RBFOX1: variants seen among roughly 807,000 people sequenced by gnomAD.
The protein encoded by RBFOX1 is RNA binding fox-1 homolog 1, also known as RNA binding protein fox-1 homolog 1.
In RBFOX1, 8 loss-of-function variants were observed where a neutral mutation model predicts 57.7. The ratio of observed to expected loss-of-function variants is 0.14; its 90% CI spans 0.08 to 0.25. The LOEUF (loss-of-function observed/expected upper bound fraction) is 0.25. RBFOX1 is among the 10% of genes least tolerant of loss of function. The pLI, the probability that RBFOX1 is intolerant of heterozygous loss-of-function variation, is 1.00. For missense variants in RBFOX1, 611 were observed against 548.5 expected (o/e 1.11, Z -1.14); for synonymous variants, 326 against 222.4 (o/e 1.47, Z -4.15).
intron 14 of RBFOX1, among the ~76,000 whole-genome samples, chr16:7,701,633 C>G (rs1037436300): frequency 1.3e-5 from 2 of 152,030 alleles, no homozygotes; most frequent in Non-Finnish European, 2.9e-5. Context: ...TTTAGTTCCT[C>G]CAACTTCAGT....
chr16:7,154,215 G>A (rs2076646024), intron 4 of RBFOX1, among the ~76,000 whole-genome samples: 2 of 152,214 alleles, frequency 1.3e-5, no homozygotes, highest in African/African-American at 4.8e-5. Flanking sequence ...CCAGGATCAT[G>A]TTACTGCCTT....
chr16:7,600,105 T>G (rs2094931314), intron 9 of RBFOX1, among the ~76,000 whole-genome samples: 1 of 152,140 alleles, frequency 6.6e-6, no homozygotes, highest in South Asian at 2.1e-4. Flanking sequence ...GATTTTGGCA[T>G]GCACATCCCA....
rs373668877 is a variant in RBFOX1 at position 6,918,710 on chromosome 16, T to C, written c.-15-133347T>C. ...GTCGTTTCAGAGAAAGAAATCATTCTCTGCCTTCCGAATGCAGACAACATG... is the reference window on the plus strand; with the variant it reads ...GTCGTTTCAGAGAAAGAAATCATTCCCTGCCTTCCGAATGCAGACAACATG... On this transcript the variant is annotated intron_variant, in intron 3 of 15. Transcript: ENST00000550418. 7.2e-5 allele frequency among the ~76,000 whole-genome samples: 11 copies of C among 152,330 alleles called. No individual in the cohort carries two copies. In the East Asian group the frequency reaches 2.1e-3, roughly 29 times the overall value.
intron 1 of RBFOX1, among the ~76,000 whole-genome samples, chr16:6,028,509 T>TA (rs36218292): frequency 0.049 from 5,153 of 104,382 alleles, 362 homozygotes; most frequent in African/African-American, 0.15. Context: ...CTGTCTCTGT[T>TA]AAAAAAAAAA....
At chr16:7,110,059 T>A (rs575976881) in intron 4 of RBFOX1, among the ~76,000 whole-genome samples, 4 of 151,804 alleles carry the variant, frequency 2.6e-5, no homozygotes, top group Non-Finnish European at 5.9e-5. Flanking sequence ...CTAATACTAA[T>A]CACTAAGAAT....
chr16:7,372,819 A>C lies in RBFOX1; in HGVS notation c.28-145328A>C, dbSNP rs79970662. ...AAGGAGGAAAAGAGAAGAGCAGGAG[A>C]CAGAGAGAGAGAAGTTATACTCAAA... On this transcript the variant is annotated intron_variant, in intron 4 of 15. Transcript: ENST00000550418. Among the ~76,000 whole-genome samples, 2,990 of 152,168 alleles carry C rather than the reference A, an allele frequency of 0.02. 227 individuals are homozygous for C. The East Asian group carries it at 0.22, about 11-fold the overall frequency.
intron 3 of RBFOX1, among the ~76,000 whole-genome samples, chr16:6,673,785 C>T (rs999948326): frequency 1.3e-5 from 2 of 152,098 alleles, no homozygotes; most frequent in Non-Finnish European, 2.9e-5. Context: ...CATATTCCTA[C>T]TCACAAAAAG....
intron 4 of RBFOX1, among the ~76,000 whole-genome samples, chr16:5,952,576 C>T (rs1293770251): frequency 6.6e-6 from 1 of 152,164 alleles, no homozygotes; most frequent in African/African-American, 2.4e-5. Context: ...CATAAGTCAC[C>T]ATGCCCAGCC....
At chr16:6,764,327 C>G (rs1320977212) in intron 3 of RBFOX1, among the ~76,000 whole-genome samples, 1 of 152,090 alleles carries the variant, frequency 6.6e-6, no homozygotes, top group Non-Finnish European at 1.5e-5. Context: ...TGAAAATGGC[C>G]CACCCTTTTA....
chr16:6,680,165 G>C (rs1392746230), intron 3 of RBFOX1, among the ~76,000 whole-genome samples: 1 of 151,872 alleles, frequency 6.6e-6, no homozygotes, highest in Non-Finnish European at 1.5e-5. Flanking sequence ...GGAATGAGAA[G>C]AGATAGAATA....
intron 4 of RBFOX1, among the ~76,000 whole-genome samples, chr16:5,914,591 A>G (rs989157189): frequency 6.6e-6 from 1 of 151,920 alleles, no homozygotes; most frequent in Non-Finnish European, 1.5e-5. Flanking sequence ...AGAGAGAGAG[A>G]GCAAAAGAAA....
At chr16:7,245,603 G>C (rs900119164) in intron 4 of RBFOX1, among the ~76,000 whole-genome samples, 1 of 152,178 alleles carries the variant, frequency 6.6e-6, no homozygotes, top group African/African-American at 2.4e-5. Flanking sequence ...TTTTCTGAGA[G>C]GTTAAACTTT....
chr16:5,450,821 T>A (rs184259606), intron 1 of RBFOX1, among the ~76,000 whole-genome samples: 20 of 152,236 alleles, frequency 1.3e-4, no homozygotes, highest in African/African-American at 4.3e-4. Context: ...GAGCTAGAAG[T>A]GTGCACCAGA....
At chr16:6,850,507 A>T (rs1297990437) in intron 3 of RBFOX1, among the ~76,000 whole-genome samples, 1 of 151,982 alleles carries the variant, frequency 6.6e-6, no homozygotes, top group Non-Finnish European at 1.5e-5. Context: ...AAGAGAAGAG[A>T]TGGGAGAGGA....
At chr16:6,160,595 T>C (rs571055232) in intron 1 of RBFOX1, among the ~76,000 whole-genome samples, 17 of 152,314 alleles carry the variant, frequency 1.1e-4, no homozygotes, top group Admixed American at 3.3e-4. Flanking sequence ...AGTCATGCTT[T>C]AAATGCACGC....
At chr16:6,247,336 T>C (rs913574666) in intron 1 of RBFOX1, among the ~76,000 whole-genome samples, 6 of 152,302 alleles carry the variant, frequency 3.9e-5, no homozygotes, top group Non-Finnish European at 7.4e-5. Flanking sequence ...CGTGGTCTCT[T>C]CTCTTGTTCA....
chr16:7,238,640 T>C (rs2093898747), intron 4 of RBFOX1, among the ~76,000 whole-genome samples: 1 of 152,210 alleles, frequency 6.6e-6, no homozygotes, highest in South Asian at 2.1e-4. Flanking sequence ...CTCTCTTTTT[T>C]TGTAACTTTT....
chr16:7,444,170 T>C (rs891962414), intron 4 of RBFOX1, among the ~76,000 whole-genome samples: 14 of 152,238 alleles, frequency 9.2e-5, no homozygotes, highest in Non-Finnish European at 2.9e-5. Context: ...GTTCAGATTA[T>C]AGTTATGCAG....
At chr16:6,445,648 T>C (rs2094469492) in intron 2 of RBFOX1, among the ~76,000 whole-genome samples, 1 of 146,734 alleles carries the variant, frequency 6.8e-6, no homozygotes, top group Admixed American at 7.0e-5. Context: ...AGTGGGACAA[T>C]CTGGGCTCAC....
Sources: allele counts gnomAD v4.1 joint callset (sites outside exome capture counted in the v4.1 genomes callset), GRCh38; gene constraint gnomAD v4.1.1; transcripts MANE v1.5; gene names NCBI Gene and HGNC (gene_info 2026-07-23, HGNC 2026-07-21).